The following ADGRD1 variants were observed in gnomAD, a reference collection of about 807,000 sequenced individuals.
The protein encoded by ADGRD1 is adhesion G protein-coupled receptor D1, also known as G-protein coupled receptor 133.
A neutral mutation model predicts 113.4 loss-of-function variants in ADGRD1; 77 were observed. That is an observed-to-expected ratio of 0.68 (90% confidence interval 0.57 to 0.82). The LOEUF (loss-of-function observed/expected upper bound fraction) is 0.82, where lower values mean the gene tolerates loss of function less well. ADGRD1 is among the 40% of genes least tolerant of loss of function. The pLI is 0.00. For missense variants in ADGRD1, 1,036 were observed against 1,139.1 expected, an observed-to-expected ratio of 0.91 and a Z score of 1.30; for synonymous variants, 474 against 475.0, an observed-to-expected ratio of 1.00 and a Z score of 0.03.
intron 6 of ADGRD1, chr12:130,989,584 G>T (rs1566005536): frequency 1.3e-5 from 2 of 152,406 alleles, no homozygotes; most frequent in South Asian, 4.2e-4. Context: ...TCCCAGCCAG[G>T]CCGGGCCTCG....
chr12:131,113,942 T>C lies in ADGRD1; in HGVS notation c.2042-4443T>C. 6.6e-6 allele frequency among the ~76,000 whole-genome samples: 1 copy of C among 152,308 alleles called. No homozygotes were observed. Among genetic ancestry groups the C allele is most frequent in the South Asian group, 2.1e-4 (1 of 4,816 alleles). ...CCAACTATCTAGAGTTTATTATAGT[T>C]TCTTTATGGATACAGTCATGTAATT... On this transcript the variant is annotated intron_variant, in intron 18 of 24. Transcript: ENST00000261654. This position sits in a 1 kb window ranked among gnomAD's most constrained non-coding sequence, Gnocchi z 4.9.
At chr12:131,083,056 G>A (rs1267111333) in intron 14 of ADGRD1, among the ~76,000 whole-genome samples, 1 of 152,232 alleles carries the variant, frequency 6.6e-6, no homozygotes, top group African/African-American at 2.4e-5. Flanking sequence ...TGGCCAGAGA[G>A]GTACAAGCTG....
Position 131,120,540 on chromosome 12 carries a change from T to C in ADGRD1, c.2109-307T>C, listed in dbSNP as rs137978355. Reference sequence around the variant, plus strand: ...GGCCCCTATTGGGTCATACTTGAAGTGCTCTGCAGGAAAGCCAGTCCCCAG... The same window carrying C: ...GGCCCCTATTGGGTCATACTTGAAGCGCTCTGCAGGAAAGCCAGTCCCCAG... On this transcript the variant is annotated intron_variant, in intron 19 of 24. Transcript: ENST00000261654. Among the ~76,000 whole-genome samples, 11 of 152,276 alleles carry C rather than the reference T, an allele frequency of 7.2e-5. No homozygotes were observed. In the East Asian group the frequency reaches 2.1e-3, roughly 29 times the overall value.
rs148849100 is a variant in ADGRD1 at position 131,034,261 on chromosome 12, G to A, written c.1473+19921G>A. 4.6e-3 allele frequency among the ~76,000 whole-genome samples: 702 copies of A among 152,224 alleles called. 5 individuals carry two copies. The highest frequency in any genetic ancestry group is 0.015 in the African/African-American group (637 of 41,510). On this transcript the variant is annotated intron_variant, in intron 13 of 24. Transcript: ENST00000261654. ...CCGCCATGCGTCTGCCTTGCTCTGC[G>A]CCACATCAAGTGCATTCCCACCCCA...
chr12:130,976,556 C>T (rs142517472), intron 4 of ADGRD1, among the ~76,000 whole-genome samples: 263 of 152,246 alleles, frequency 1.7e-3, no homozygotes, highest in African/African-American at 5.9e-3. Flanking sequence ...TCCCGGAATC[C>T]GCGGCTGACT....
At chr12:131,034,360 A>C (rs1249154583) in intron 13 of ADGRD1, among the ~76,000 whole-genome samples, 2 of 152,198 alleles carry the variant, frequency 1.3e-5, no homozygotes, top group Non-Finnish European at 2.9e-5. Context: ...ACCTTCCCAG[A>C]GTCGCCACTG....
intron 19 of ADGRD1, among the ~76,000 whole-genome samples, chr12:131,120,296 C>CT (rs895286790): frequency 3.9e-5 from 6 of 151,912 alleles, no homozygotes; most frequent in Non-Finnish European, 8.8e-5. Flanking sequence ...GAGGAGCTGG[C>CT]TTTTTTTTGC....
At chr12:131,049,524 CAT>C (rs1025297207) in intron 13 of ADGRD1, among the ~76,000 whole-genome samples, 22 of 152,220 alleles carry the variant, frequency 1.4e-4, no homozygotes, top group African/African-American at 5.3e-4. Context: ...TTAGAATGCA[CAT>C]GTCACTGAAA....
chr12:131,072,200 G>C (rs1156950285), intron 13 of ADGRD1, among the ~76,000 whole-genome samples: 1 of 152,000 alleles, frequency 6.6e-6, no homozygotes, highest in Non-Finnish European at 1.5e-5. Context: ...TCTCAAACGG[G>C]ACTCCTGAGG....
At chr12:131,104,560 G>A (rs1230953227) in intron 15 of ADGRD1, among the ~76,000 whole-genome samples, 1 of 152,132 alleles carries the variant, frequency 6.6e-6, no homozygotes, top group Non-Finnish European at 1.5e-5. Flanking sequence ...CCCGGGCCAG[G>A]CAGCCACAGT....
At chr12:131,135,335 G>A (rs1344769325) in intron 21 of ADGRD1, among the ~76,000 whole-genome samples, 1 of 152,180 alleles carries the variant, frequency 6.6e-6, no homozygotes, top group Non-Finnish European at 1.5e-5. Context: ...TGTCAAGAGG[G>A]CCCATGGGCT....
intron 11 of ADGRD1, among the ~76,000 whole-genome samples, 162 bp downstream of exon 11, chr12:131,004,458 G>A (rs1042441315): frequency 8.4e-6 from 1 of 119,084 alleles, no homozygotes; most frequent in African/African-American, 2.9e-5. Context: ...TGCAGGAGAG[G>A]GACTGTGGGC....
At position 130,980,371 on chromosome 12, in the gene ADGRD1, T is replaced by C. The variant is rs572228140; in HGVS notation, c.311-1513T>C. Among the ~76,000 whole-genome samples, 635 of 151,964 alleles carry C rather than the reference T, an allele frequency of 4.2e-3. 5 individuals are homozygous for C. Among genetic ancestry groups the C allele is most frequent in the African/African-American group, 0.014 (589 of 41,406 alleles). ...CACCCGCCTCGGCCTCCCTAAGTGC[T>C]GGGATTACAGGCGTGAGCCACCATG... On this transcript the variant is annotated intron_variant, in intron 4 of 24. Coordinates refer to ENST00000261654, the MANE Select transcript of ADGRD1 (RefSeq NM_198827.5).
chr12:130,970,575 A>C (rs892072273), intron 3 of ADGRD1: 1 of 152,212 alleles, frequency 6.6e-6, no homozygotes, highest in South Asian at 2.1e-4. Context: ...AGCTGGGCTG[A>C]CGGCTGCCGG....
chr12:131,069,006 T>C (rs1250881306), intron 13 of ADGRD1, among the ~76,000 whole-genome samples: 7 of 152,238 alleles, frequency 4.6e-5, no homozygotes, highest in Admixed American at 3.3e-4. Flanking sequence ...TCTGCCTCTT[T>C]CTTTACTCCT....
In ADGRD1 at chr12:131,004,288, A is replaced by T; in HGVS notation, c.1247A>T (p.His416Leu). 1 of 1,609,604 alleles carries T rather than the reference A, an allele frequency of 6.2e-7. No individual in the cohort carries two copies. The highest frequency in any genetic ancestry group is 8.5e-7 in the Non-Finnish European group (1 of 1,176,482). The change falls in exon 11 of 25, where the codon CAC becomes CTC. Residue 416 changes from histidine (H) to leucine (L), a missense_variant. His to Leu is a moderately conservative substitution (Grantham distance 99). Transcript: ENST00000261654. ...ATCCAGATCCCCCACGAGGCCTTCC[A>T]CAGGCACGGTGAGTGTGGCTGCGCT... ...SFIQIPHEAF[H>L]RHAWSTVVGL...
intron 15 of ADGRD1, among the ~76,000 whole-genome samples, chr12:131,101,369 C>CTTTTT (rs1950072670): frequency 5.5e-5 from 3 of 54,552 alleles, no homozygotes; most frequent in African/African-American, 5.3e-5. Context: ...TTTTCTTTTT[C>CTTTTT]TTTCTTTCTT....
At chr12:131,080,665 G>A (rs1885995711) in intron 14 of ADGRD1, among the ~76,000 whole-genome samples, 1 of 152,090 alleles carries the variant, frequency 6.6e-6, no homozygotes, top group East Asian at 1.9e-4. Context: ...CTGTAACCCA[G>A]GCTGGAGTGC....
At chr12:131,039,379 G>A (rs1323040883) in intron 13 of ADGRD1, among the ~76,000 whole-genome samples, 4 of 152,270 alleles carry the variant, frequency 2.6e-5, no homozygotes, top group Admixed American at 1.3e-4. Flanking sequence ...AGCTCAGCCT[G>A]AGAGGAGGGT....
Sources: allele counts gnomAD v4.1 joint callset (sites outside exome capture counted in the v4.1 genomes callset), GRCh38; gene constraint gnomAD v4.1.1; non-coding constraint Gnocchi (gnomAD v3.1); transcripts MANE v1.5; gene names NCBI Gene and HGNC (gene_info 2026-07-23, HGNC 2026-07-21).